The following SUMF1 variants were observed in gnomAD, a reference collection of about 807,000 sequenced individuals.
The protein encoded by SUMF1 is formylglycine-generating enzyme.
SUMF1 carries 48 observed loss-of-function variants against 47.6 expected under a neutral mutation model. The ratio of observed to expected loss-of-function variants is 1.01; its 90% CI spans 0.80 to 1.28. The LOEUF (loss-of-function observed/expected upper bound fraction) is 1.28, where lower values mean the gene tolerates loss of function less well. Among genes scored for constraint, SUMF1 ranks in the 50% most tolerant of loss-of-function variants. The pLI is 0.00. For synonymous variants in SUMF1, 230 were observed against 192.1 expected (o/e 1.20, Z -1.63); for missense variants, 571 against 485.4 (o/e 1.18, Z -1.66).
At chr3:4,090,163 C>T (rs1028899493) in intron 8 of SUMF1, among the ~76,000 whole-genome samples, 8 of 152,088 alleles carry the variant, frequency 5.3e-5, no homozygotes, top group Non-Finnish European at 1.2e-4. Context: ...AATTTGAGCG[C>T]ATGCACAGCA....
intron 8 of SUMF1, among the ~76,000 whole-genome samples, chr3:4,234,984 A>T (rs990421642): frequency 6.6e-6 from 1 of 152,146 alleles, no homozygotes; most frequent in African/African-American, 2.4e-5. Context: ...ACAGGAACGT[A>T]ACATTGACTG....
intron 8 of SUMF1, among the ~76,000 whole-genome samples, chr3:4,304,945 T>C (rs1163402215): frequency 6.6e-6 from 1 of 151,082 alleles, no homozygotes; most frequent in African/African-American, 2.4e-5. Flanking sequence ...ATGGGTTTGG[T>C]TCAGAAGGCG....
intron 7 of SUMF1, among the ~76,000 whole-genome samples, chr3:4,381,103 A>G (rs933312678): frequency 1.4e-4 from 22 of 152,334 alleles, no homozygotes; most frequent in African/African-American, 5.0e-4. Context: ...CGTCATGCCC[A>G]ATACATTGAC....
intron 5 of SUMF1, 121 bp downstream of exon 5, chr3:4,417,889 G>T: frequency 3.2e-6 from 5 of 1,551,658 alleles, no homozygotes; most frequent in Non-Finnish European, 4.4e-6. Flanking sequence ...GGAAAAATAA[G>T]AAAAAGAATT....
At chr3:4,328,826 A>T (rs1698995701) in intron 8 of SUMF1, among the ~76,000 whole-genome samples, 2 of 152,166 alleles carry the variant, frequency 1.3e-5, no homozygotes, top group Non-Finnish European at 2.9e-5. Context: ...AGACAAGGCA[A>T]GTCCCTTTCA....
Position 4,324,118 on chromosome 3 carries a change from C to T in SUMF1, c.1014+52212G>A, listed in dbSNP as rs149154154. Among the ~76,000 whole-genome samples, 9 of 151,846 alleles carry T rather than the reference C, an allele frequency of 5.9e-5. No homozygotes were observed. In the East Asian group the frequency reaches 1.7e-3, roughly 29 times the overall value. On this transcript the variant is annotated intron_variant and NMD_transcript_variant, in intron 8 of 12. Transcript: ENST00000448413. ...TTTGTTTTCTGCAATAATAATTTAC[C>T]AAATGTGGCCCCATTAGAATGTTTG...
At chr3:4,151,312 G>A (rs1263858720) in intron 8 of SUMF1, among the ~76,000 whole-genome samples, 1 of 148,358 alleles carries the variant, frequency 6.7e-6, no homozygotes, top group South Asian at 2.1e-4. Flanking sequence ...CTAGTCTGGG[G>A]TGCTTCTCCC....
intron 8 of SUMF1, among the ~76,000 whole-genome samples, chr3:4,176,388 G>A (rs909353585): frequency 6.6e-6 from 1 of 152,106 alleles, no homozygotes; most frequent in Non-Finnish European, 1.5e-5. Flanking sequence ...AATATTCAAC[G>A]TTCTTAAAGA....
chr3:4,191,237 AG>A (rs1695308236), intron 8 of SUMF1, among the ~76,000 whole-genome samples: 1 of 152,126 alleles, frequency 6.6e-6, no homozygotes, highest in Non-Finnish European at 1.5e-5. Context: ...GAGTGGCTGT[AG>A]GGGAAGCTAA....
At chr3:4,099,572 A>G (rs1692984484) in intron 8 of SUMF1, among the ~76,000 whole-genome samples, 1 of 152,106 alleles carries the variant, frequency 6.6e-6, no homozygotes, top group Admixed American at 6.6e-5. Context: ...GGCTACTCTA[A>G]CTACTTCTGT....
intron 8 of SUMF1, among the ~76,000 whole-genome samples, chr3:4,069,114 T>C (rs1695452566): frequency 6.6e-6 from 1 of 152,214 alleles, no homozygotes; most frequent in Non-Finnish European, 1.5e-5. Context: ...GCCATTGTTA[T>C]GACACTGTCC....
intron 3 of SUMF1, 107 bp from the exon 4 acceptor site, chr3:4,420,253 G>C: frequency 1.2e-6 from 1 of 817,304 alleles, no homozygotes. Flanking sequence ...CTTCCATTTG[G>C]ATTACCAAAC....
In SUMF1 at chr3:4,090,094, T is replaced by C. The variant is rs112756962; in HGVS notation, c.1015-21349A>G. Among the ~76,000 whole-genome samples, 369 of 152,292 alleles carry C rather than the reference T, an allele frequency of 2.4e-3. 3 individuals carry two copies. Among genetic ancestry groups the C allele is most frequent in the African/African-American group, 8.4e-3 (348 of 41,544 alleles). Reference sequence around the variant, plus strand: ...GTATTCCCAGCACTAGCACAGTGCCTGGCCATAGCAGGTGCTTCATTAATA... The same window carrying C: ...GTATTCCCAGCACTAGCACAGTGCCCGGCCATAGCAGGTGCTTCATTAATA... On this transcript the variant is annotated intron_variant and NMD_transcript_variant, in intron 8 of 12. Coordinates refer to the SUMF1 transcript ENST00000448413.
intron 8 of SUMF1, among the ~76,000 whole-genome samples, chr3:4,189,551 G>T (rs1370857519): frequency 1.3e-5 from 2 of 151,996 alleles, no homozygotes; most frequent in African/African-American, 4.8e-5. Flanking sequence ...TACTAAATAG[G>T]GTTTCAGTTC....
chr3:4,297,079 T>C lies in SUMF1; in HGVS notation c.1014+79251A>G, dbSNP rs554788472. On this transcript the variant is annotated intron_variant and NMD_transcript_variant, in intron 8 of 12. Coordinates refer to the SUMF1 transcript ENST00000448413. ...CTGAATTATAAATAATAGTTTTAGC[T>C]GTGATTTGGTCTCAGCTCCTGACCA... Among the ~76,000 whole-genome samples the C allele has an allele frequency of 2.6e-5, 4 of 152,300 alleles. 1 individual carries two copies. The East Asian group carries it at 7.7e-4, about 29-fold the overall frequency.
chr3:4,303,290 G>C, intron 8 of SUMF1: 1 of 1,387,196 alleles, frequency 7.2e-7, no homozygotes, highest in African/African-American at 1.6e-5. Context: ...ATGAGGCGGT[G>C]GGGCCACGGG....
At position 4,108,691 on chromosome 3, in the gene SUMF1, C is replaced by G. The variant is rs896028754; in HGVS notation, c.1015-39946G>C. Among the ~76,000 whole-genome samples the G allele has an allele frequency of 7.6e-4, 116 of 152,164 alleles. 3 individuals carry two copies. The highest frequency in any genetic ancestry group is 2.6e-3 in the African/African-American group (107 of 41,478). The stretch of plus-strand genomic sequence containing the variant: ...ACCATTATGTAATGGCCTTCTTTGT[C>G]TCTTTTGATCTTTGTTGGTTTAAAG... On this transcript the variant is annotated intron_variant and NMD_transcript_variant, in intron 8 of 12. Coordinates refer to the SUMF1 transcript ENST00000448413.
intron 3 of SUMF1, among the ~76,000 whole-genome samples, chr3:4,436,051 G>A (rs1254145418): frequency 6.6e-6 from 1 of 152,228 alleles, no homozygotes; most frequent in Non-Finnish European, 1.5e-5. Flanking sequence ...GGAGGCCAAG[G>A]TGGGAGGATC....
chr3:4,187,158 C>T (rs1695216946), intron 8 of SUMF1, among the ~76,000 whole-genome samples: 1 of 151,860 alleles, frequency 6.6e-6, no homozygotes, highest in South Asian at 2.1e-4. Context: ...CTGCTTGAAG[C>T]CAGGAGTATG....
Sources: gnomAD v4.1 joint callset for allele counts (sites outside exome capture counted in the v4.1 genomes callset) on GRCh38, gnomAD v4.1.1 for gene constraint, MANE v1.5 for transcripts, NCBI Gene and HGNC (gene_info 2026-07-23, HGNC 2026-07-21) for gene names.